Variants in WAC observed in about 807,000 individuals in gnomAD.
WAC encodes WW domain containing adaptor with coiled-coil, also known as WW domain-containing adapter protein with coiled-coil.
Under a neutral mutation model 79.6 loss-of-function variants are expected in WAC, and 11 were observed. The observed-to-expected ratio is 0.14, with a 90% CI of 0.09 to 0.23. The LOEUF (loss-of-function observed/expected upper bound fraction) is 0.23. Ranked by LOEUF, WAC falls within the 10% of genes least tolerant of loss-of-function variation. The pLI, the probability that WAC is intolerant of heterozygous loss-of-function variation, is 1.00. For missense variants in WAC, 728 were observed against 773.5 expected, an observed-to-expected ratio of 0.94 and a Z score of 0.70; for synonymous variants, 304 against 276.9, an observed-to-expected ratio of 1.10 and a Z score of -0.97.
chr10:28,534,398 T>A, intron 2 of WAC: 1 of 233,418 alleles, frequency 4.3e-6, no homozygotes, highest in Non-Finnish European at 8.2e-6. Flanking sequence ...AACTGAAAAG[T>A]TAATGTAAAG....
intron 7 of WAC, among the ~76,000 whole-genome samples, chr10:28,600,572 C>G (rs1025261455): frequency 1.3e-5 from 2 of 151,922 alleles, no homozygotes; most frequent in East Asian, 3.9e-4. Context: ...GGAATTTAGT[C>G]TTAGTCATTA....
intron 3 of WAC, among the ~76,000 whole-genome samples, chr10:28,559,087 G>A (rs1447172246): frequency 6.6e-6 from 1 of 151,374 alleles, no homozygotes; most frequent in African/African-American, 2.4e-5. Context: ...CAAGTACTGT[G>A]GGTATGGTAG....
At chr10:28,609,382 T>G (rs1287678335) in intron 8 of WAC, among the ~76,000 whole-genome samples, 4 of 152,206 alleles carry the variant, frequency 2.6e-5, no homozygotes, top group Middle Eastern at 3.4e-3. Context: ...AAAAATAAAG[T>G]GATCAATTTT....
intron 3 of WAC, among the ~76,000 whole-genome samples, chr10:28,554,158 C>A (rs542890018): frequency 6.6e-6 from 1 of 152,102 alleles, no homozygotes. Flanking sequence ...CATGAACTGC[C>A]GCACCCAGCC....
At chr10:28,538,309 TC>T in intron 3 of WAC, 1 of 333,330 alleles carries the variant, frequency 3.0e-6, no homozygotes, top group Non-Finnish European at 6.4e-6. Context: ...TCAGGCCGGG[TC>T]AGTGGCTCAC....
At chr10:28,568,332 T>C (rs1483473542) in intron 3 of WAC, among the ~76,000 whole-genome samples, 1 of 152,214 alleles carries the variant, frequency 6.6e-6, no homozygotes, top group Non-Finnish European at 1.5e-5. Context: ...AATAGGTCTT[T>C]TAAGATAACT....
chr10:28,534,158 AC>A, intron 2 of WAC, 124 bp downstream of exon 2: 8 of 930,066 alleles, frequency 8.6e-6, no homozygotes, highest in Non-Finnish European at 1.1e-5. Context: ...TGAAACTAGC[AC>A]CGCGGATCCC....
intron 10 of WAC, among the ~76,000 whole-genome samples, chr10:28,613,911 T>C (rs935053501): frequency 6.6e-6 from 1 of 152,218 alleles, no homozygotes; most frequent in Admixed American, 6.5e-5. Flanking sequence ...AAAACTCTCA[T>C]GTTGAACTTT....
intron 3 of WAC, among the ~76,000 whole-genome samples, chr10:28,558,145 CCTAT>C (rs745361488): frequency 6.6e-6 from 1 of 152,118 alleles, no homozygotes; most frequent in Non-Finnish European, 1.5e-5. Context: ...CATCTTTTGG[CCTAT>C]CTCTTTCCTT....
At position 28,608,223 on chromosome 10, in the gene WAC, C is replaced by T. The variant is rs1841054090; in HGVS notation, c.957C>T (p.Cys319=). Residue 319 remains cysteine (C), a synonymous_variant, in exon 8 of 14, where the codon TGC becomes TGT. Coordinates refer to ENST00000354911, the MANE Select transcript of WAC (RefSeq NM_016628.5). ...TSGDKPVSHS[C]TTPSTSSASG... is the part of the protein sequence containing the mutation. Reference sequence around the variant, plus strand: ...GAGACAAACCCGTATCACATTCTTGCACAACTCCTTCCACGTCTTCTGCCT... The same window carrying T: ...GAGACAAACCCGTATCACATTCTTGTACAACTCCTTCCACGTCTTCTGCCT... 1 of 1,614,168 alleles carries T rather than the reference C, an allele frequency of 6.2e-7. No homozygotes were observed. The highest frequency in any genetic ancestry group is 1.6e-4 in the Middle Eastern group (1 of 6,062).
chr10:28,553,248 A>G (rs1837791807), intron 3 of WAC, among the ~76,000 whole-genome samples: 1 of 86,774 alleles, frequency 1.2e-5, no homozygotes, highest in South Asian at 5.2e-4. Flanking sequence ...TACTGTATGT[A>G]CTATTTGTTT....
intron 3 of WAC, among the ~76,000 whole-genome samples, chr10:28,537,159 C>T (rs940606228): frequency 6.6e-6 from 1 of 152,176 alleles, no homozygotes; most frequent in African/African-American, 2.4e-5. Flanking sequence ...GTAGTTATAG[C>T]TTAGTGCTAT....
chr10:28,542,221 T>A (rs1267688841), intron 3 of WAC, among the ~76,000 whole-genome samples: 1 of 152,236 alleles, frequency 6.6e-6, no homozygotes, highest in Admixed American at 6.5e-5. Flanking sequence ...CAGGGCCTTC[T>A]CTGCCCTTGC....
At chr10:28,610,253 G>T (rs1841168139) in intron 8 of WAC, among the ~76,000 whole-genome samples, 1 of 151,988 alleles carries the variant, frequency 6.6e-6, no homozygotes, top group Non-Finnish European at 1.5e-5. Context: ...TCCATTTTTA[G>T]ATTTATTAGG....
At chr10:28,607,857 TAATA>T (rs1373086808) in intron 7 of WAC, among the ~76,000 whole-genome samples, 3 of 152,252 alleles carry the variant, frequency 2.0e-5, no homozygotes, top group Non-Finnish European at 4.4e-5. Context: ...AATGTGTGGT[TAATA>T]AATAATTATC....
chr10:28,622,260 C>T lies in WAC; in HGVS notation c.*2654C>T, dbSNP rs968757379. ...CACCTTAATACAAGGTATCCAGCTC[C>T]TAACCTTAACTAGGGAATATCTATT... On this transcript the variant is annotated 3_prime_UTR_variant, in exon 14 of 14. Transcript: ENST00000354911. The T allele has an allele frequency of 3.3e-5, 5 of 152,032 alleles. No individual in the cohort carries two copies. The highest frequency in any genetic ancestry group is 2.1e-4 in the South Asian group (1 of 4,822). The allele number at this position is 152,032 out of a possible 1,614,324, so 9.4% of individuals were successfully genotyped here. A position where few individuals can be genotyped will look rare whatever the true frequency, so the allele number is the denominator to read the frequency against.
intron 3 of WAC, among the ~76,000 whole-genome samples, chr10:28,571,272 G>A (rs183669689): frequency 6.6e-6 from 1 of 152,204 alleles, no homozygotes; most frequent in Admixed American, 6.5e-5. Flanking sequence ...GATGCCGCGA[G>A]TACTATTCAG....
chr10:28,578,487 G>A (rs1165763428), intron 3 of WAC, among the ~76,000 whole-genome samples: 1 of 152,142 alleles, frequency 6.6e-6, no homozygotes, highest in Non-Finnish European at 1.5e-5. Flanking sequence ...TTGCTCCTGA[G>A]TAGACTGAAA....
rs1212601285 is a variant in WAC, at chr10:28,541,415, G to GTGTTTTTTTTTTTTTTTTTT, written c.274+5659_274+5660insGTTTTTTTTTTTTTTTTTTT. Among the ~76,000 whole-genome samples the GTGTTTTTTTTTTTTTTTTTT allele has an allele frequency of 5.3e-5, 2 of 37,904 alleles. 1 individual carries two copies. The highest frequency in any genetic ancestry group is 8.5e-5 in the Non-Finnish European group (2 of 23,614). The allele number at this position is 37,904 out of a possible 152,430, so 24.9% of individuals were successfully genotyped here. A position where few individuals can be genotyped will look rare whatever the true frequency, so the allele number is the denominator to read the frequency against. Reference sequence around the variant, plus strand: ...TTTTTGTGGGGTTGTGTGTGTGTGTGTTTTGTTTTTTTTTTTTTTTTTTTT... The same window carrying GTGTTTTTTTTTTTTTTTTTT: ...TTTTTGTGGGGTTGTGTGTGTGTGTGTGTTTTTTTTTTTTTTTTTTTTTTGTTTTTTTTTTTTTTTTTTTT... On this transcript the variant is annotated intron_variant, in intron 3 of 13. Transcript: ENST00000354911.
Sources: allele counts gnomAD v4.1 joint callset (sites outside exome capture counted in the v4.1 genomes callset), GRCh38; gene constraint gnomAD v4.1.1; transcripts MANE v1.5; gene names NCBI Gene and HGNC (gene_info 2026-07-23, HGNC 2026-07-21).